The following RNF212B variants were observed in gnomAD, a reference collection of about 807,000 sequenced individuals.
RNF212B encodes the protein E3 ubiquitin-protein ligase RNF212B.
Under a neutral mutation model 55.5 loss-of-function variants are expected in RNF212B, and 52 were observed. The ratio of observed to expected loss-of-function variants is 0.94; its 90% CI spans 0.75 to 1.18. RNF212B has a LOEUF of 1.18. Among genes scored for constraint, RNF212B ranks in the 50% most tolerant of loss-of-function variants. The pLI, the probability that RNF212B is intolerant of heterozygous loss-of-function variation, is 0.00. For synonymous variants in RNF212B, 99 were observed against 121.4 expected (o/e 0.82, Z 1.21); for missense variants, 289 against 350.4 (o/e 0.82, Z 1.40).
intron 4 of RNF212B, among the ~76,000 whole-genome samples, chr14:23,251,847 C>G (rs12885940): frequency 0.24 from 34,926 of 148,102 alleles, 4,373 homozygotes; most frequent in African/African-American, 0.34. Context: ...AACCATATAT[C>G]ATGGAAATAG....
At chr14:23,224,034 A>G (rs1881795035) in intron 2 of RNF212B, among the ~76,000 whole-genome samples, 1 of 152,172 alleles carries the variant, frequency 6.6e-6, no homozygotes, top group South Asian at 2.1e-4. Context: ...CCAAAGAAGT[A>G]AAAGATCTCT....
chr14:23,230,333 CT>C (rs2140418771), intron 2 of RNF212B, among the ~76,000 whole-genome samples: 1 of 152,142 alleles, frequency 6.6e-6, no homozygotes, highest in East Asian at 1.9e-4. Flanking sequence ...TATTTTTCTT[CT>C]GTTGCCTGTG....
chr14:23,230,078 T>C (rs1882441761), intron 2 of RNF212B: 13 of 202,010 alleles, frequency 6.4e-5, no homozygotes, highest in Admixed American at 5.8e-4. Context: ...GTTTCTTGGT[T>C]AGGAATTGCT....
At chr14:23,204,970 A>G (rs1228584101) in intron 2 of RNF212B, among the ~76,000 whole-genome samples, 2 of 152,146 alleles carry the variant, frequency 1.3e-5, no homozygotes, top group Non-Finnish European at 2.9e-5. Flanking sequence ...TACATGGATG[A>G]AATATCTTAG....
chr14:23,264,714 T>C (rs1233791381), intron 11 of RNF212B, 43 bp downstream of exon 11: 2 of 1,170,744 alleles, frequency 1.7e-6, no homozygotes, highest in Non-Finnish European at 2.2e-6. Flanking sequence ...ACTTACTCTA[T>C]GCGAAGATCT....
chr14:23,206,796 A>G (rs771377017), intron 2 of RNF212B, among the ~76,000 whole-genome samples: 31 of 152,294 alleles, frequency 2.0e-4, no homozygotes, highest in Non-Finnish European at 4.3e-4. Flanking sequence ...CTGTCTTAAA[A>G]ACCCAAGAGT....
In RNF212B at chr14:23,269,941, C is replaced by T. The variant is rs1185545665; in HGVS notation, c.753C>T (p.Val251=). 6.5e-7 allele frequency: 1 copy of T among 1,544,018 alleles called. No individual in the cohort carries two copies. Among genetic ancestry groups the T allele is most frequent in the African/African-American group, 1.4e-5 (1 of 72,986 alleles). Residue 251 remains valine (V), a synonymous_variant, in exon 13 of 15, where the codon GTC becomes GTT. Transcript: ENST00000430154. ...SPNGHSGHTR[V]LTPNNFAQRE... ...ATGGGCATTCAGGCCACACAAGAGT[C>T]CTCACCCCCAACAATTTTGGTAAGT...
At chr14:23,222,165 GA>G (rs1421800508) in intron 2 of RNF212B, among the ~76,000 whole-genome samples, 2 of 151,554 alleles carry the variant, frequency 1.3e-5, no homozygotes, top group African/African-American at 4.8e-5. Context: ...AATTTGACAT[GA>G]AGAAAACAAT....
At chr14:23,221,781 C>A (rs959057758) in intron 2 of RNF212B, among the ~76,000 whole-genome samples, 77 of 152,256 alleles carry the variant, frequency 5.1e-4, no homozygotes, top group African/African-American at 1.8e-3. Context: ...GAAATAATAT[C>A]AGGCATCTTC....
intron 11 of RNF212B, among the ~76,000 whole-genome samples, chr14:23,265,986 T>G (rs1029314131): frequency 6.6e-6 from 1 of 151,088 alleles, no homozygotes; most frequent in Admixed American, 6.6e-5. Context: ...TTCATTTGTG[T>G]TTTTTTTTGA....
chr14:23,206,819 A>C (rs1479673199), intron 2 of RNF212B, among the ~76,000 whole-genome samples: 1 of 152,194 alleles, frequency 6.6e-6, no homozygotes, highest in East Asian at 1.9e-4. Flanking sequence ...CCTCTGTTGC[A>C]GTAACTATTT....
At chr14:23,212,725 G>T (rs1880652775) in intron 2 of RNF212B, among the ~76,000 whole-genome samples, 1 of 151,794 alleles carries the variant, frequency 6.6e-6, no homozygotes, top group Non-Finnish European at 1.5e-5. Context: ...ATGGAGTCTT[G>T]CTATGTTGCC....
chr14:23,262,532 T>C (rs1352739683), intron 7 of RNF212B, 133 bp from the exon 8 acceptor site: 3 of 747,748 alleles, frequency 4.0e-6, no homozygotes, highest in Middle Eastern at 2.6e-4. Context: ...CTACCTATAA[T>C]ACATGAGAGT....
At chr14:23,242,841 T>C (rs1435571890) in intron 2 of RNF212B, among the ~76,000 whole-genome samples, 1 of 151,164 alleles carries the variant, frequency 6.6e-6, no homozygotes, top group Non-Finnish European at 1.5e-5. Flanking sequence ...TGAGTTGAGG[T>C]GGTGGTGTGC....
Position 23,240,412 on chromosome 14 carries a change from G to A in RNF212B, c.67G>A (p.Gly23Ser), listed in dbSNP as rs939981673. 5.2e-6 allele frequency: 8 copies of A among 1,550,236 alleles called. No homozygotes were observed. In the Admixed American group the frequency reaches 1.4e-4, roughly 27 times the overall value. The change falls in exon 2 of 15, where the codon GGC becomes AGC. Residue 23 changes from glycine to serine, a missense_variant. By Grantham distance (56) the Gly-to-Ser change is moderately conservative. Coordinates refer to ENST00000430154, the MANE Select transcript of RNF212B (RefSeq NM_001282322.3). Reference protein sequence around the residue: ...DGAHFFVTSCGHIFCKKCVTL... With the variant: ...DGAHFFVTSCSHIFCKKCVTL... ...GGCCCATTTCTTTGTCACCAGCTGT[G>A]GCCATATTTTCTGTAAAAAGTGTGT... is the stretch of plus-strand genomic sequence containing the variant.
chr14:23,269,701 G>C (rs1335358439), intron 12 of RNF212B, among the ~76,000 whole-genome samples, 162 bp from the exon 13 acceptor site: 1 of 149,600 alleles, frequency 6.7e-6, no homozygotes, highest in Non-Finnish European at 1.5e-5. Context: ...AACAGAGTGA[G>C]ACCCTGTCTC....
chr14:23,202,009 G>A (rs967466260), intron 2 of RNF212B, among the ~76,000 whole-genome samples: 1 of 152,156 alleles, frequency 6.6e-6, no homozygotes, highest in Admixed American at 6.5e-5. Flanking sequence ...CCAGCACTTT[G>A]TGAGGCCGAG....
intron 13 of RNF212B, 60 bp downstream of exon 13, chr14:23,270,020 T>C (rs143223586): frequency 1.3e-4 from 123 of 943,894 alleles, no homozygotes; most frequent in Non-Finnish European, 1.9e-4. Context: ...TATACTAAAA[T>C]GAAGATTTTC....
At chr14:23,216,486 A>G (rs969178996) in intron 2 of RNF212B, among the ~76,000 whole-genome samples, 28 of 152,140 alleles carry the variant, frequency 1.8e-4, no homozygotes, top group African/African-American at 6.5e-4. Context: ...AACTGTATCA[A>G]TCAAAAGATA....
Sources: allele counts gnomAD v4.1 joint callset (sites outside exome capture counted in the v4.1 genomes callset), GRCh38; gene constraint gnomAD v4.1.1; transcripts MANE v1.5; gene names NCBI Gene and HGNC (gene_info 2026-07-23, HGNC 2026-07-21).